The following SSPN variants were observed in gnomAD, a reference collection of about 807,000 sequenced individuals.
SSPN encodes the protein K-ras oncogene-associated protein.
SSPN carries 15 observed loss-of-function variants against 19.1 expected under a neutral mutation model. That is an observed-to-expected ratio of 0.78 (90% confidence interval 0.52 to 1.21). SSPN has a LOEUF of 1.21. Ranked by LOEUF, SSPN falls within the 50% of genes most tolerant of loss-of-function variation. The probability of loss-of-function intolerance (pLI) is 0.00; values close to 1 mark genes in which losing one functional copy is unlikely to be tolerated. For synonymous variants in SSPN, 147 were observed against 140.3 expected (o/e 1.05, Z -0.34); for missense variants, 291 against 314.0 (o/e 0.93, Z 0.55).
Position 26,182,581 on chromosome 12 carries a change from CCCCTTCCCTTCCCTT to C in SSPN, c.-30-41657_-30-41643del, listed in dbSNP as rs67332101. Among the ~76,000 whole-genome samples the C allele has an allele frequency of 5.6e-3, 560 of 100,490 alleles. 10 individuals are homozygous for C. Among genetic ancestry groups the C allele is most frequent in the African/African-American group, 0.027 (508 of 18,866 alleles). 65.9% of individuals were successfully genotyped at this position (100,490 alleles called of 152,430 possible). A position where few individuals can be genotyped will look rare whatever the true frequency, so the allele number is the denominator to read the frequency against. On this transcript the variant is annotated intron_variant, in intron 1 of 2. Transcript: ENST00000538142. Reference sequence around the variant, plus strand: ...CCCCGTCTCCCTTCCCCTTCCCCTTCCCCTTCCCTTCCCTTCCCTTCCCTTCCCTTCCCTTCCCTT... The same window carrying C: ...CCCCGTCTCCCTTCCCCTTCCCCTTCCCCTTCCCTTCCCTTCCCTTCCCTT...
chr12:26,176,308 C>T (rs1205265925), intron 1 of SSPN, among the ~76,000 whole-genome samples: 1 of 152,200 alleles, frequency 6.6e-6, no homozygotes, highest in Non-Finnish European at 1.5e-5. Context: ...GACTCATAAT[C>T]ATCAGATTGC....
chr12:26,126,489 C>T (rs571146867), intron 1 of SSPN: 9 of 152,362 alleles, frequency 5.9e-5, no homozygotes, highest in African/African-American at 2.2e-4. Context: ...TGCACCAGGG[C>T]GCAGCAGGGA....
intron 1 of SSPN, among the ~76,000 whole-genome samples, chr12:26,134,177 C>T (rs1472474286): frequency 6.6e-6 from 1 of 152,158 alleles, no homozygotes; most frequent in African/African-American, 2.4e-5. Context: ...AGCTTTCTTT[C>T]AAAAAATATT....
At chr12:26,123,963 T>A in intron 1 of SSPN, 4 of 891,678 alleles carry the variant, frequency 4.5e-6, no homozygotes, top group Non-Finnish European at 7.2e-6. Flanking sequence ...ATAGCACAAG[T>A]TTTAAGTCAG....
intron 1 of SSPN, chr12:26,124,280 A>G (rs1944342917): frequency 9.5e-6 from 5 of 528,250 alleles, no homozygotes; most frequent in Non-Finnish European, 1.3e-5. Context: ...ACCATAAAAC[A>G]TACTATGTGA....
chr12:26,156,237 G>A (rs547583678), intron 1 of SSPN, among the ~76,000 whole-genome samples: 1 of 152,292 alleles, frequency 6.6e-6, no homozygotes, highest in South Asian at 2.1e-4. Context: ...TACAAGTTCA[G>A]AGAAGTCACC....
intron 1 of SSPN, among the ~76,000 whole-genome samples, chr12:26,123,429 C>G (rs1944333389): frequency 6.6e-6 from 1 of 152,194 alleles, no homozygotes; most frequent in African/African-American, 2.4e-5. Flanking sequence ...CCTGATTCCT[C>G]CGAGTTCTGC....
chr12:26,175,956 C>A (rs1355623344), intron 1 of SSPN, among the ~76,000 whole-genome samples: 1 of 151,856 alleles, frequency 6.6e-6, no homozygotes, highest in African/African-American at 2.4e-5. Context: ...CCTGCCTCAG[C>A]CTCCCATGTA....
chr12:26,164,146 T>C (rs1263574345), intron 1 of SSPN, among the ~76,000 whole-genome samples: 2 of 152,196 alleles, frequency 1.3e-5, no homozygotes, highest in East Asian at 1.9e-4. Context: ...TCACCTGAAC[T>C]GCAGACAGAG....
intron 1 of SSPN, among the ~76,000 whole-genome samples, chr12:26,150,095 C>G (rs1016349206): frequency 6.6e-6 from 1 of 152,200 alleles, no homozygotes. Flanking sequence ...TAACCTAGGG[C>G]ACCCATGGTT....
At chr12:26,151,745 G>A (rs1222968966) in intron 1 of SSPN, among the ~76,000 whole-genome samples, 1 of 152,136 alleles carries the variant, frequency 6.6e-6, no homozygotes, top group Non-Finnish European at 1.5e-5. Flanking sequence ...TTTTGTAACA[G>A]GGCTGCAGAA....
At chr12:26,124,075 C>T in intron 1 of SSPN, 1 of 1,598,034 alleles carries the variant, frequency 6.3e-7, no homozygotes, top group Non-Finnish European at 8.6e-7. Flanking sequence ...ATCTTACTGT[C>T]AATTTCAGAT....
At chr12:26,227,426 C>T (rs1448137940) in intron 2 of SSPN, among the ~76,000 whole-genome samples, 3 of 152,100 alleles carry the variant, frequency 2.0e-5, no homozygotes, top group African/African-American at 7.2e-5. Flanking sequence ...CTCAGAGAAG[C>T]TAAGGGGCAT....
At chr12:26,143,100 A>C (rs530567975) in intron 1 of SSPN, among the ~76,000 whole-genome samples, 125 of 152,366 alleles carry the variant, frequency 8.2e-4, no homozygotes, top group Middle Eastern at 6.8e-3. Flanking sequence ...TATCATACAC[A>C]TATTACATTT....
chr12:26,177,885 A>G (rs1944694380), intron 1 of SSPN, among the ~76,000 whole-genome samples: 1 of 152,074 alleles, frequency 6.6e-6, no homozygotes, highest in Non-Finnish European at 1.5e-5. Flanking sequence ...GCTCATCTCT[A>G]ACGTCCACTA....
upstream of SSPN, among the ~76,000 whole-genome samples, chr12:26,191,235 A>C (rs1026965065): frequency 1.3e-5 from 2 of 152,224 alleles, no homozygotes; most frequent in East Asian, 3.8e-4. Context: ...AATTACATGT[A>C]GAAAAATTTG....
chr12:26,169,390 T>C (rs986101947), intron 1 of SSPN, among the ~76,000 whole-genome samples: 1 of 152,096 alleles, frequency 6.6e-6, no homozygotes, highest in Non-Finnish European at 1.5e-5. Context: ...GAAGCACTCA[T>C]TTGCCTTGAG....
In SSPN at chr12:26,232,647, T is replaced by G; in HGVS notation, c.*1571T>G. 1 of 985,168 alleles carries G rather than the reference T, an allele frequency of 1.0e-6. No individual in the cohort carries two copies. The highest frequency in any genetic ancestry group is 1.7e-5 in the African/African-American group (1 of 57,348). The allele number at this position is 985,168 out of a possible 1,614,324, so 61.0% of individuals were successfully genotyped here. A position where few individuals can be genotyped will look rare whatever the true frequency, so the allele number is the denominator to read the frequency against. On this transcript the variant is annotated 3_prime_UTR_variant, in exon 3 of 3. Transcript: ENST00000242729. ...TGATTGTGATAATGGTTTCAATTTC[T>G]ACACAATATAAATATCCAGTATAAA...
Position 26,199,523 on chromosome 12 carries a change from G to A in SSPN, c.279+3572G>A, listed in dbSNP as rs183101602. On this transcript the variant is annotated intron_variant, in intron 1 of 2. Coordinates refer to ENST00000242729, the MANE Select transcript of SSPN (RefSeq NM_005086.5). ...AAAACAAAGTGAAATAGCAACTTTT[G>A]AGGATGCACTTGGCTGGGTACAGAG... 2.2e-4 allele frequency among the ~76,000 whole-genome samples: 33 copies of A among 152,338 alleles called. No individual in the cohort carries two copies. The East Asian group carries it at 6.4e-3, about 29-fold the overall frequency.
Sources: allele counts gnomAD v4.1 joint callset (sites outside exome capture counted in the v4.1 genomes callset), GRCh38; gene constraint gnomAD v4.1.1; transcripts MANE v1.5; gene names NCBI Gene and HGNC (gene_info 2026-07-23, HGNC 2026-07-21).